The following CEP250 variants were observed in gnomAD, a reference collection of about 807,000 sequenced individuals.
CEP250 encodes centrosomal protein 250, also known as centrosome-associated protein CEP250.
CEP250 carries 242 observed loss-of-function variants against 315.7 expected under a neutral mutation model. The observed-to-expected ratio is 0.77, with a 90% CI of 0.69 to 0.85. CEP250 has a LOEUF of 0.85. Ranked by LOEUF, CEP250 falls within the 40% of genes least tolerant of loss-of-function variation. The pLI, the probability that CEP250 is intolerant of heterozygous loss-of-function variation, is 0.00. For missense variants in CEP250, 2,515 were observed against 2,886.4 expected, an observed-to-expected ratio of 0.87 and a Z score of 2.95; for synonymous variants, 1,088 against 1,175.0, an observed-to-expected ratio of 0.93 and a Z score of 1.51.
chr20:35,457,944 T>C (rs1250099985), intron 1 of CEP250, among the ~76,000 whole-genome samples: 1 of 152,166 alleles, frequency 6.6e-6, no homozygotes. Context: ...GGCCAGAGGT[T>C]GGAAGAGAGC....
Position 35,517,805 on chromosome 20 carries a change from C to T in CEP250, c.*6179C>T, listed in dbSNP as rs6060445. 0.32 allele frequency: 48,277 copies of T among 150,860 alleles called. 8,582 individuals carry two copies. Among genetic ancestry groups the T allele is most frequent in the South Asian group, 0.5 (2,367 of 4,778 alleles). The allele number at this position is 150,860 out of a possible 1,614,324, so 9.3% of individuals were successfully genotyped here. A position where few individuals can be genotyped will look rare whatever the true frequency, so the allele number is the denominator to read the frequency against. Reference sequence around the variant, plus strand: ...AAACAGTGCCGGGCTTGGGGGCTCACGCCTGTAATCCCAGCACTTTGGGAG... The same window carrying T: ...AAACAGTGCCGGGCTTGGGGGCTCATGCCTGTAATCCCAGCACTTTGGGAG... On this transcript the variant is annotated 3_prime_UTR_variant, in exon 35 of 35. Transcript: ENST00000397527.
intron 30 of CEP250, among the ~76,000 whole-genome samples, chr20:35,506,678 T>C (rs2064193416): frequency 6.6e-6 from 1 of 152,160 alleles, no homozygotes; most frequent in Non-Finnish European, 1.5e-5. Flanking sequence ...AGGAGGTCCA[T>C]CTGTGAACTC....
At chr20:35,480,432 A>G (rs750047689) in intron 20 of CEP250, among the ~76,000 whole-genome samples, 3 of 152,108 alleles carry the variant, frequency 2.0e-5, no homozygotes, top group Non-Finnish European at 4.4e-5. Context: ...CTCAGGATGA[A>G]AACGGGGGAG....
At chr20:35,472,852 A>C (rs765446276) in intron 12 of CEP250, 21 bp downstream of exon 12, 8 of 1,613,072 alleles carry the variant, frequency 5.0e-6, no homozygotes, top group Non-Finnish European at 5.9e-6. Context: ...TCAGCATTCC[A>C]CCTCAGTCAC....
At chr20:35,468,698 C>CA (rs2062951813) in intron 9 of CEP250, among the ~76,000 whole-genome samples, 1 of 152,134 alleles carries the variant, frequency 6.6e-6, no homozygotes, top group Non-Finnish European at 1.5e-5. Flanking sequence ...TTTTTTGAGA[C>CA]AGAGTCTAGC....
chr20:35,494,291 T>G, intron 23 of CEP250: 1 of 473,854 alleles, frequency 2.1e-6, no homozygotes, highest in Non-Finnish European at 3.7e-6. Flanking sequence ...GATTTTTATT[T>G]GTGCCTGCCT....
At chr20:35,487,241 G>A (rs2063538753) in intron 20 of CEP250, among the ~76,000 whole-genome samples, 1 of 151,614 alleles carries the variant, frequency 6.6e-6, no homozygotes, top group African/African-American at 2.4e-5. Context: ...GCCGAGGTGG[G>A]CGGATTGCCC....
chr20:35,516,371 C>G lies in CEP250; in HGVS notation c.*4745C>G, dbSNP rs185647442. 6.6e-6 allele frequency: 1 copy of G among 152,248 alleles called. No individual in the cohort carries two copies. The highest frequency in any genetic ancestry group is 1.5e-5 in the Non-Finnish European group (1 of 68,064). 9.4% of individuals were successfully genotyped at this position (152,248 alleles called of 1,614,324 possible). On this transcript the variant is annotated 3_prime_UTR_variant, in exon 35 of 35. Transcript: ENST00000397527. ...TCTTGGTTTCCTATCAAAACCTCTC[C>G]CGTATCTATGAACATTCCAGCCCTG...
chr20:35,489,012 C>T (rs945964681), intron 20 of CEP250, among the ~76,000 whole-genome samples: 5 of 151,958 alleles, frequency 3.3e-5, no homozygotes, highest in Non-Finnish European at 7.4e-5. Context: ...GTGGTGAAAC[C>T]ATGTCTCTAC....
chr20:35,474,203 A>C (rs2063107147), intron 14 of CEP250, 151 bp downstream of exon 14: 1 of 685,936 alleles, frequency 1.5e-6, no homozygotes, highest in East Asian at 3.2e-5. Context: ...CTTTGCAGAA[A>C]GATGAATATG....
At chr20:35,489,031 CA>C (rs1039391620) in intron 20 of CEP250, among the ~76,000 whole-genome samples, 1 of 151,330 alleles carries the variant, frequency 6.6e-6, no homozygotes. Context: ...ACTAAAAATA[CA>C]AAAAAAATAG....
rs779963815 is a variant in CEP250 at position 35,473,401 on chromosome 20, C to A, written c.1237C>A (p.Gln413Lys). The A allele has an allele frequency of 6.2e-7, 1 of 1,613,866 alleles. No individual in the cohort carries two copies. Among genetic ancestry groups the A allele is most frequent in the East Asian group, 2.2e-5 (1 of 44,870 alleles). Residue 413 changes from glutamine (Q) to lysine (K), a missense_variant, in exon 13 of 35, where the codon CAA (glutamine) becomes AAA (lysine). By Grantham distance (53) the Gln-to-Lys change is moderately conservative. Coordinates refer to ENST00000397527, the MANE Select transcript of CEP250 (RefSeq NM_007186.6). ...QDLRQQLAGC[Q>K]EAVNLLQQQH... ...CCTAAGGCAGCAGCTTGCAGGCTGT[C>A]AAGAGGCTGTGAACTTGTTGCAACA...
At position 35,502,909 on chromosome 20, in the gene CEP250, G is replaced by A. The variant is rs774715998; in HGVS notation, c.4540G>A (p.Glu1514Lys). Residue 1514 changes from glutamate (E) to lysine (K), a missense_variant, in exon 30 of 35, where the codon GAG (glutamate) becomes AAG (lysine). Coordinates refer to ENST00000397527, the MANE Select transcript of CEP250 (RefSeq NM_007186.6). Reference sequence around the variant, plus strand: ...GCAGAGGGAGCAGATCAGAGAGCTCGAGAAGGATCGGGAGACTCAGAGGAA... The same window carrying A: ...GCAGAGGGAGCAGATCAGAGAGCTCAAGAAGGATCGGGAGACTCAGAGGAA... ...TVQREQIREL[E>K]KDRETQRNVL... The A allele has an allele frequency of 1.4e-5, 22 of 1,614,118 alleles. No individual in the cohort carries two copies. The highest frequency in any genetic ancestry group is 3.3e-5 in the Admixed American group (2 of 60,012).
At chr20:35,487,559 T>C (rs755327597) in intron 20 of CEP250, among the ~76,000 whole-genome samples, 4 of 152,156 alleles carry the variant, frequency 2.6e-5, no homozygotes, top group Admixed American at 2.6e-4. Context: ...GTAATGATAT[T>C]GGACACTTGT....
Position 35,472,114 on chromosome 20 carries a change from AGTT to A in CEP250, c.1016_1018del (p.Leu339del), listed in dbSNP as rs2063038724. On this transcript the variant is annotated inframe_deletion, in exon 11 of 35. Coordinates refer to ENST00000397527, the MANE Select transcript of CEP250 (RefSeq NM_007186.6). ...CTTAGTAGGAATGCGCAAGAGGAGAAGTTGTCTTTACAGCAGGTGATCAAGGAT... is the reference window on the plus strand; with the variant it reads ...CTTAGTAGGAATGCGCAAGAGGAGAAGTCTTTACAGCAGGTGATCAAGGAT... 6.2e-7 allele frequency: 1 copy of A among 1,613,202 alleles called. No individual in the cohort carries two copies.
At chr20:35,483,668 G>C (rs1042505410) in intron 20 of CEP250, among the ~76,000 whole-genome samples, 2 of 151,828 alleles carry the variant, frequency 1.3e-5, no homozygotes, top group African/African-American at 4.8e-5. Flanking sequence ...ACCATACCTG[G>C]CTCTTTTCCT....
chr20:35,456,037 AGGCATGC>A (rs899617398), intron 1 of CEP250, among the ~76,000 whole-genome samples: 83 of 152,304 alleles, frequency 5.4e-4, no homozygotes, highest in African/African-American at 1.9e-3. Context: ...CTGGGATTGC[AGGCATGC>A]GCCACCACAC....
intron 20 of CEP250, among the ~76,000 whole-genome samples, chr20:35,489,695 G>A (rs1012001239): frequency 4.6e-5 from 7 of 152,152 alleles, no homozygotes; most frequent in African/African-American, 1.2e-4. Context: ...CTGGAAGACC[G>A]CTAAGACAAG....
chr20:35,507,511 T>TA (rs1389382059), intron 30 of CEP250, among the ~76,000 whole-genome samples: 1 of 149,054 alleles, frequency 6.7e-6, no homozygotes, highest in Non-Finnish European at 1.5e-5. Context: ...GGGGCTCTGA[T>TA]CCTAGCTTCC....
Sources: allele counts gnomAD v4.1 joint callset (sites outside exome capture counted in the v4.1 genomes callset), GRCh38; gene constraint gnomAD v4.1.1; transcripts MANE v1.5; gene names NCBI Gene and HGNC (gene_info 2026-07-23, HGNC 2026-07-21).